ARL6IP6: variants seen among roughly 807,000 people sequenced by gnomAD.
The protein encoded by ARL6IP6 is ADP-ribosylation factor-like protein 6-interacting protein 6.
Under a neutral mutation model 21.5 loss-of-function variants are expected in ARL6IP6, and 22 were observed. The ratio of observed to expected loss-of-function variants is 1.02; its 90% CI spans 0.73 to 1.46. The LOEUF is 1.46. Ranked by LOEUF, ARL6IP6 falls within the 40% of genes most tolerant of loss-of-function variation. The probability of loss-of-function intolerance (pLI) is 0.00; values close to 1 mark genes in which losing one functional copy is unlikely to be tolerated. For synonymous variants in ARL6IP6, 164 were observed against 125.3 expected, an observed-to-expected ratio of 1.31 and a Z score of -2.06; for missense variants, 388 against 299.8, an observed-to-expected ratio of 1.29 and a Z score of -2.17.
intron 3 of ARL6IP6, among the ~76,000 whole-genome samples, chr2:152,741,631 A>T (rs140216995): frequency 3.9e-5 from 6 of 152,178 alleles, no homozygotes. Flanking sequence ...CCTTTATTCA[A>T]ATTTTTTATG....
intron 3 of ARL6IP6, among the ~76,000 whole-genome samples, chr2:152,745,658 CAG>C (rs1701010964): frequency 1.3e-5 from 2 of 152,084 alleles, no homozygotes; most frequent in Admixed American, 1.3e-4. Flanking sequence ...ACTAATGAAA[CAG>C]ATGTCAGATG....
At chr2:152,742,103 TTGTC>T (rs1181087710) in intron 3 of ARL6IP6, among the ~76,000 whole-genome samples, 16 of 152,348 alleles carry the variant, frequency 1.1e-4, no homozygotes, top group African/African-American at 3.8e-4. Context: ...TCCCTGTTCA[TTGTC>T]TGGGTTTTGT....
intron 3 of ARL6IP6, among the ~76,000 whole-genome samples, chr2:152,756,126 G>C (rs756597825): frequency 1.3e-4 from 20 of 152,104 alleles, no homozygotes; most frequent in South Asian, 4.1e-4. Flanking sequence ...TTGTGCTTTT[G>C]TTGTCATATC....
At chr2:152,740,304 G>C (rs1327924103) in intron 3 of ARL6IP6, among the ~76,000 whole-genome samples, 2 of 151,972 alleles carry the variant, frequency 1.3e-5, no homozygotes, top group African/African-American at 4.8e-5. Context: ...TTTGCCATGT[G>C]CCCAGGCTGG....
At position 152,757,233 on chromosome 2, in the gene ARL6IP6, A is replaced by C. The variant is rs193141027; in HGVS notation, c.588-2514A>C. The stretch of plus-strand genomic sequence containing the variant: ...TTGCAGTTACCTCAAGATCTGCAGG[A>C]GGTAAGTTGAATATTTAAAAGGGAT... On this transcript the variant is annotated intron_variant, in intron 3 of 3. Coordinates refer to ENST00000326446, the MANE Select transcript of ARL6IP6 (RefSeq NM_152522.7). 9.7e-4 allele frequency among the ~76,000 whole-genome samples: 148 copies of C among 152,264 alleles called. No individual in the cohort carries two copies. In the East Asian group the frequency reaches 0.017, roughly 17 times the overall value.
intron 3 of ARL6IP6, among the ~76,000 whole-genome samples, chr2:152,746,171 C>T (rs921780900): frequency 6.6e-5 from 10 of 152,004 alleles, no homozygotes; most frequent in African/African-American, 2.4e-4. Context: ...ACATGCGCCA[C>T]CACATCTGGC....
upstream of ARL6IP6, chr2:152,718,547 G>C: frequency 6.7e-7 from 1 of 1,482,368 alleles, no homozygotes; most frequent in Non-Finnish European, 8.9e-7. Context: ...GGCCACTGCC[G>C]CGGATTGGCT....
rs754086442 is a variant in ARL6IP6 at position 152,718,868 on chromosome 2, G to A, written c.244G>A (p.Val82Ile). Reference sequence around the variant, plus strand: ...CCCGCCGGACGGGAACGGGTCGCCCGTTCTGCCCGATAAGCGCAATGGTAT... The same window carrying A: ...CCCGCCGGACGGGAACGGGTCGCCCATTCTGCCCGATAAGCGCAATGGTAT... ...VLPPDGNGSP[V>I]LPDKRNGIFP... The change falls in exon 1 of 4, where the codon GTT becomes ATT. Residue 82 changes from valine to isoleucine, a missense_variant. Val to Ile is a conservative substitution (Grantham distance 29, BLOSUM62 3). Coordinates refer to ENST00000326446, the MANE Select transcript of ARL6IP6 (RefSeq NM_152522.7). The A allele has an allele frequency of 1.2e-6, 2 of 1,613,682 alleles. No homozygotes were observed.
At chr2:152,739,943 CTA>C (rs1330156383) in intron 3 of ARL6IP6, among the ~76,000 whole-genome samples, 1 of 152,160 alleles carries the variant, frequency 6.6e-6, no homozygotes, top group Admixed American at 6.5e-5. Flanking sequence ...GACTCACACA[CTA>C]TTAGTGGAAC....
chr2:152,738,721 C>T (rs768001406), intron 3 of ARL6IP6, among the ~76,000 whole-genome samples: 2 of 152,160 alleles, frequency 1.3e-5, no homozygotes, highest in Non-Finnish European at 2.9e-5. Context: ...TCTCATAGGC[C>T]TCCCAGCTTG....
upstream of ARL6IP6, chr2:152,718,223 G>C (rs1047509260): frequency 1.8e-5 from 7 of 395,990 alleles, no homozygotes; most frequent in Non-Finnish European, 3.5e-6. Flanking sequence ...GAGGGCGCGA[G>C]CGGGCGCTAG....
chr2:152,759,646 T>TA, intron 3 of ARL6IP6, 101 bp from the exon 4 acceptor site: 2 of 867,486 alleles, frequency 2.3e-6, no homozygotes, highest in Non-Finnish European at 3.7e-6. Context: ...ATTTGGGAAA[T>TA]ACACTCCAAG....
At chr2:152,729,220 A>G (rs1273800486) in intron 2 of ARL6IP6, among the ~76,000 whole-genome samples, 2 of 152,004 alleles carry the variant, frequency 1.3e-5, no homozygotes, top group African/African-American at 4.8e-5. Context: ...AAATACAAGA[A>G]TTAGCTGGGT....
rs528137719 is a variant in ARL6IP6, at chr2:152,724,432, A to G, written c.454+3846A>G. Among the ~76,000 whole-genome samples the G allele has an allele frequency of 4.6e-5, 7 of 152,324 alleles. No homozygotes were observed. The South Asian group carries it at 1.4e-3, about 32-fold the overall frequency. ...ATTTTCTTCTAAACCAAAACTCAAG[A>G]AAGTATGTATTATAATTTTTATACC... On this transcript the variant is annotated intron_variant, in intron 2 of 3. Transcript: ENST00000326446.
At chr2:152,756,436 C>T (rs1701595842) in intron 3 of ARL6IP6, among the ~76,000 whole-genome samples, 1 of 151,804 alleles carries the variant, frequency 6.6e-6, no homozygotes, top group African/African-American at 2.4e-5. Flanking sequence ...AAAAAGCCAC[C>T]AAAAAAGCAC....
At chr2:152,719,322 CA>C (rs1427537481) in intron 1 of ARL6IP6, among the ~76,000 whole-genome samples, 3 of 152,152 alleles carry the variant, frequency 2.0e-5, no homozygotes, top group Non-Finnish European at 4.4e-5. Flanking sequence ...GAAGATTAAA[CA>C]AAATGCGAAA....
intron 3 of ARL6IP6, among the ~76,000 whole-genome samples, chr2:152,737,392 T>A (rs182379269): frequency 5.9e-5 from 9 of 152,138 alleles, no homozygotes; most frequent in South Asian, 2.1e-4. Flanking sequence ...TAACTAATTT[T>A]AAAAAAAATT....
chr2:152,732,943 G>A (rs1469639313), intron 2 of ARL6IP6, among the ~76,000 whole-genome samples: 1 of 151,404 alleles, frequency 6.6e-6, no homozygotes, highest in African/African-American at 2.4e-5. Context: ...TTCCAGATAC[G>A]GAACTTGTGG....
upstream of ARL6IP6, chr2:152,718,274 C>G (rs1699314275): frequency 7.4e-6 from 2 of 270,796 alleles, no homozygotes; most frequent in Non-Finnish European, 1.3e-5. Flanking sequence ...GCTGTCGGGG[C>G]GCGCGCTCCC....
Sources: gnomAD v4.1 joint callset for allele counts (sites outside exome capture counted in the v4.1 genomes callset) on GRCh38, gnomAD v4.1.1 for gene constraint, MANE v1.5 for transcripts, NCBI Gene and HGNC (gene_info 2026-07-23, HGNC 2026-07-21) for gene names.